PCDHGC5: variants seen among roughly 807,000 people sequenced by gnomAD.
PCDHGC5 encodes the protein protocadherin gamma subfamily C, 5.
PCDHGC5 carries 25 observed loss-of-function variants against 59.0 expected under a neutral mutation model. The observed-to-expected ratio is 0.42, with a 90% confidence interval of 0.31 to 0.59. PCDHGC5 has a LOEUF of 0.59. Ranked by LOEUF, PCDHGC5 falls within the 20% of genes least tolerant of loss-of-function variation. The probability of loss-of-function intolerance (pLI) is 0.13; values close to 1 mark genes in which losing one functional copy is unlikely to be tolerated. For missense variants in PCDHGC5, 1,067 were observed against 1,206.4 expected (o/e 0.88, Z 1.71); for synonymous variants, 434 against 505.5 (o/e 0.86, Z 1.90).
intron 2 of PCDHGC5, among the ~76,000 whole-genome samples, chr5:141,503,977 CCTT>C (rs1012021012): frequency 1.3e-5 from 2 of 152,250 alleles, no homozygotes; most frequent in Admixed American, 1.3e-4. Flanking sequence ...GGTGCCAAAC[CCTT>C]CTTCTTACCT....
rs1481706003 is a variant in PCDHGC5, at chr5:141,491,416, G to A, written c.2176G>A (p.Gly726Ser). Residue 726 changes from glycine to serine, a missense_variant, in exon 1 of 4, where the codon GGT becomes AGT. Gly to Ser is a moderately conservative substitution (Grantham distance 56). Transcript: ENST00000252087. This position sits in a 1 kb window ranked among gnomAD's most constrained non-coding sequence, Gnocchi z 6.9. ...TCAGGGAAACGCAGACGGGGACGGG[G>A]GTGGAGGGCAGTGCTGCAGGCGCCA... ...CLQGNADGDG[G>S]GGQCCRRQDS... 3 of 1,614,138 alleles carry A rather than the reference G, an allele frequency of 1.9e-6. No homozygotes were observed. The highest frequency in any genetic ancestry group is 2.2e-5 in the East Asian group (1 of 44,874).
chr5:141,490,417 C>A lies in PCDHGC5; in HGVS notation c.1177C>A (p.Leu393Met), dbSNP rs767996336. ...AGTGAGCCTTGATATCTCTCCGGAC[C>A]TGCCATTTCAGATTAAGCCTTCTGA... Reference protein sequence around the residue: ...GEVSLDISPDLPFQIKPSENH... With the variant: ...GEVSLDISPDMPFQIKPSENH... The change falls in exon 1 of 4, where the codon CTG becomes ATG. Residue 393 changes from leucine (L) to methionine (M), a missense_variant. Transcript: ENST00000252087. The surrounding 1 kb of genome is among the most constrained non-coding windows in gnomAD (Gnocchi z 5.4). 4.3e-6 allele frequency: 7 copies of A among 1,614,196 alleles called. No homozygotes were observed. In the South Asian group the frequency reaches 7.7e-5, roughly 18 times the overall value.
rs1224515106 is a variant in PCDHGC5 at position 141,491,453 on chromosome 5, C to T, written c.2213C>T (p.Ser738Phe). The change falls in exon 1 of 4, where the codon TCC (serine) becomes TTC (phenylalanine). Residue 738 changes from serine (S) to phenylalanine (F), a missense_variant. Transcript: ENST00000252087. The surrounding 1 kb of genome is among the most constrained non-coding windows in gnomAD (Gnocchi z 6.9). ...GQCCRRQDSP[S>F]PDFYKQSSPN... ...TGCTGCAGGCGCCAGGACTCACCCT[C>T]CCCGGACTTCTATAAGCAGTCCAGC... The T allele has an allele frequency of 6.2e-6, 10 of 1,614,120 alleles. No homozygotes were observed. The highest frequency in any genetic ancestry group is 8.5e-6 in the Non-Finnish European group (10 of 1,180,028).
At position 141,491,591 on chromosome 5, in the gene PCDHGC5, G is replaced by A. The variant is rs969259993; in HGVS notation, c.2351G>A (p.Gly784Asp). 22 of 1,613,862 alleles carry A rather than the reference G, an allele frequency of 1.4e-5. No individual in the cohort carries two copies. The highest frequency in any genetic ancestry group is 1.8e-5 in the Non-Finnish European group (21 of 1,180,048). ...YRTCFSPASD[G>D]SDFTFLRPLS... ...ACGTGCTTTTCACCGGCCTCGGACG[G>A]CAGTGACTTCACTTTTCTAAGACCC... The change falls in exon 1 of 4, where the codon GGC becomes GAC. Residue 784 changes from glycine to aspartate, a missense_variant. Coordinates refer to ENST00000252087, the MANE Select transcript of PCDHGC5 (RefSeq NM_018929.3). This position sits in a 1 kb window ranked among gnomAD's most constrained non-coding sequence, Gnocchi z 6.9.
At chr5:141,509,573 C>G (rs372901649) in intron 3 of PCDHGC5, among the ~76,000 whole-genome samples, 4 of 152,164 alleles carry the variant, frequency 2.6e-5, no homozygotes, top group Admixed American at 2.6e-4. Context: ...CTTCACAGTG[C>G]GTACAAATCA....
chr5:141,500,498 C>T (rs1487770160), intron 2 of PCDHGC5, among the ~76,000 whole-genome samples: 5 of 152,120 alleles, frequency 3.3e-5, no homozygotes, highest in African/African-American at 7.2e-5. Context: ...CGTGAGCCAC[C>T]GCGCCTGGCC....
In PCDHGC5 at chr5:141,491,729, C is replaced by T. The variant is rs766649819; in HGVS notation, c.2460+29C>T. On this transcript the variant is annotated intron_variant, in intron 1 of 3. Coordinates refer to ENST00000252087, the MANE Select transcript of PCDHGC5 (RefSeq NM_018929.3). This position sits in a 1 kb window ranked among gnomAD's most constrained non-coding sequence, Gnocchi z 6.9. ...AGGGGCTCGGCGCCGCCCCGGGCGA[C>T]CCCTGGGGGCGGCACTGGAGAAGCC... 6.1e-5 allele frequency: 98 copies of T among 1,603,832 alleles called. No homozygotes were observed. Among genetic ancestry groups the T allele is most frequent in the Non-Finnish European group, 7.9e-5 (93 of 1,175,848 alleles).
chr5:141,511,345 T>TC lies in PCDHGC5; in HGVS notation c.*179dup, dbSNP rs535135679. The TC allele has an allele frequency of 6.6e-4, 924 of 1,410,366 alleles. 3 individuals are homozygous for TC. The African/African-American group carries it at 0.011, about 17-fold the overall frequency. 87.4% of individuals were successfully genotyped at this position (1,410,366 alleles called of 1,614,324 possible). ...AAGTGCCCAGTCAGCACCTACCCCT[T>TC]CCCCCCCAGGGGGTTGAATATGCAA... On this transcript the variant is annotated 3_prime_UTR_variant, in exon 4 of 4. Coordinates refer to ENST00000252087, the MANE Select transcript of PCDHGC5 (RefSeq NM_018929.3).
At position 141,490,954 on chromosome 5, in the gene PCDHGC5, G is replaced by A. The variant is rs749646808; in HGVS notation, c.1714G>A (p.Glu572Lys). The change falls in exon 1 of 4, where the codon GAA (glutamate) becomes AAA (lysine). Residue 572 changes from glutamate (E) to lysine (K), a missense_variant. Coordinates refer to ENST00000252087, the MANE Select transcript of PCDHGC5 (RefSeq NM_018929.3). This position sits in a 1 kb window ranked among gnomAD's most constrained non-coding sequence, Gnocchi z 5.4. ...PAVLHPRPDW[E>K]HSAPQRLPRS... ...TGTGCTGCACCCACGGCCAGACTGGGAACACTCAGCCCCCCAGCGTCTCCC... is the reference window on the plus strand; with the variant it reads ...TGTGCTGCACCCACGGCCAGACTGGAAACACTCAGCCCCCCAGCGTCTCCC... 9 of 1,613,662 alleles carry A rather than the reference G, an allele frequency of 5.6e-6. No individual in the cohort carries two copies. The African/African-American group carries it at 8.0e-5, about 14-fold the overall frequency.
Position 141,490,711 on chromosome 5 carries a change from T to C in PCDHGC5, c.1471T>C (p.Tyr491His). Reference protein sequence around the residue: ...PDTGDNARLTYSIVGNQVQGA... With the variant: ...PDTGDNARLTHSIVGNQVQGA... ...CACTGGGGATAATGCCCGCCTCACC[T>C]ACTCCATTGTAGGAAATCAGGTTCA... The change falls in exon 1 of 4, where the codon TAC (tyrosine) becomes CAC (histidine). Residue 491 changes from tyrosine to histidine, a missense_variant. Physicochemically the swap from Tyr to His is moderately conservative, Grantham distance 83 (BLOSUM62 2). Transcript: ENST00000252087. The surrounding 1 kb of genome is among the most constrained non-coding windows in gnomAD (Gnocchi z 5.4). The C allele has an allele frequency of 6.2e-7, 1 of 1,614,200 alleles. No individual in the cohort carries two copies. Among genetic ancestry groups the C allele is most frequent in the Non-Finnish European group, 8.5e-7 (1 of 1,180,002 alleles).
chr5:141,496,103 C>G (rs779317844), intron 2 of PCDHGC5, among the ~76,000 whole-genome samples: 1 of 152,100 alleles, frequency 6.6e-6, no homozygotes, highest in Non-Finnish European at 1.5e-5. Flanking sequence ...ACCAACACCC[C>G]GCTCTCTTCC....
intron 2 of PCDHGC5, among the ~76,000 whole-genome samples, chr5:141,496,078 CCCCACCCACCA>C (rs1204698458): frequency 6.6e-6 from 1 of 152,016 alleles, no homozygotes; most frequent in Non-Finnish European, 1.5e-5. Context: ...ACACACAACC[CCCCACCCACCA>C]CCCACCAACA....
chr5:141,506,870 G>A (rs2099856877), intron 3 of PCDHGC5, among the ~76,000 whole-genome samples: 1 of 152,166 alleles, frequency 6.6e-6, no homozygotes, highest in East Asian at 1.9e-4. Flanking sequence ...GGTGGGTAGA[G>A]AACCAGGTGA....
At position 141,491,682 on chromosome 5, in the gene PCDHGC5, G is replaced by A. The variant is rs11952292; in HGVS notation, c.2442G>A (p.Thr814=). The A allele has an allele frequency of 1.9e-6, 3 of 1,613,150 alleles. No individual in the cohort carries two copies. Among genetic ancestry groups the A allele is most frequent in the South Asian group, 1.1e-5 (1 of 91,046 alleles). The change falls in exon 1 of 4, where the codon ACG becomes ACA. Residue 814 remains threonine (T), a synonymous_variant. Coordinates refer to ENST00000252087, the MANE Select transcript of PCDHGC5 (RefSeq NM_018929.3). The surrounding 1 kb of genome is among the most constrained non-coding windows in gnomAD (Gnocchi z 6.9). Reference sequence around the variant, plus strand: ...ACGCCATCCGGTCCCGCTCTAATACGCTGCGGGAGCGGAGCCAGGTGAGGG... The same window carrying A: ...ACGCCATCCGGTCCCGCTCTAATACACTGCGGGAGCGGAGCCAGGTGAGGG... The part of the protein sequence containing the change: ...EPDAIRSRSN[T]LRERSQQAPP...
At position 141,490,558 on chromosome 5, in the gene PCDHGC5, A is replaced by G. The variant is rs765890709; in HGVS notation, c.1318A>G (p.Ile440Val). 3.1e-5 allele frequency: 50 copies of G among 1,614,042 alleles called. No individual in the cohort carries two copies. The East Asian group carries it at 1.0e-3, about 34-fold the overall frequency. ...ACCTTCCCTACACAAACATCTCACC[A>G]TCAGGCTCAACATTTCAGATGTCAA... ...GSPSLHKHLT[I>V]RLNISDVNDN... is the part of the protein sequence containing the mutation. The change falls in exon 1 of 4, where the codon ATC (isoleucine) becomes GTC (valine). Residue 440 changes from isoleucine to valine, a missense_variant. Transcript: ENST00000252087. This position sits in a 1 kb window ranked among gnomAD's most constrained non-coding sequence, Gnocchi z 5.4.
chr5:141,497,148 A>G (rs1436451953), intron 2 of PCDHGC5, among the ~76,000 whole-genome samples: 1 of 152,122 alleles, frequency 6.6e-6, no homozygotes, highest in Non-Finnish European at 1.5e-5. Context: ...ATCACGAAAA[A>G]AAAATAATCT....
Position 141,491,188 on chromosome 5 carries a change from G to A in PCDHGC5, c.1948G>A (p.Asp650Asn). The change falls in exon 1 of 4, where the codon GAC becomes AAC. Residue 650 changes from aspartate to asparagine, a missense_variant. Physicochemically the swap from Asp to Asn is conservative, Grantham distance 23 (BLOSUM62 1). Transcript: ENST00000252087. This position sits in a 1 kb window ranked among gnomAD's most constrained non-coding sequence, Gnocchi z 6.9. Reference sequence around the variant, plus strand: ...CCAGCAGGTGGTGGTCCTGGTGAGGGACAATGGTGACCCTTCACTCTCCTC... The same window carrying A: ...CCAGCAGGTGGTGGTCCTGGTGAGGAACAATGGTGACCCTTCACTCTCCTC... ...DTQQVVVLVR[D>N]NGDPSLSSTA... The A allele has an allele frequency of 6.2e-7, 1 of 1,614,198 alleles. No individual in the cohort carries two copies. The highest frequency in any genetic ancestry group is 1.1e-5 in the South Asian group (1 of 91,086).
intron 2 of PCDHGC5, among the ~76,000 whole-genome samples, chr5:141,503,608 AAAAAAAG>A (rs1483073868): frequency 3.3e-5 from 5 of 151,876 alleles, no homozygotes; most frequent in South Asian, 2.1e-4. Context: ...CAAAAAAAAA[AAAAAAAG>A]AAAAAAGAAA....
chr5:141,511,342 C>T lies in PCDHGC5; in HGVS notation c.*169C>T. On this transcript the variant is annotated 3_prime_UTR_variant, in exon 4 of 4. Transcript: ENST00000252087. The stretch of plus-strand genomic sequence containing the variant: ...AACAAGTGCCCAGTCAGCACCTACC[C>T]CTTCCCCCCCAGGGGGTTGAATATG... The T allele has an allele frequency of 7.0e-7, 1 of 1,425,078 alleles. No individual in the cohort carries two copies. Among genetic ancestry groups the T allele is most frequent in the East Asian group, 2.5e-5 (1 of 40,014 alleles). 88.3% of individuals were successfully genotyped at this position (1,425,078 alleles called of 1,614,324 possible). A position where few individuals can be genotyped will look rare whatever the true frequency, so the allele number is the denominator to read the frequency against.
Sources: gnomAD v4.1 joint callset for allele counts (sites outside exome capture counted in the v4.1 genomes callset) on GRCh38, gnomAD v4.1.1 for gene constraint, Gnocchi (gnomAD v3.1) non-coding constraint, MANE v1.5 for transcripts, NCBI Gene and HGNC (gene_info 2026-07-23, HGNC 2026-07-21) for gene names.